Variants in SVEP1 observed in about 807,000 individuals in gnomAD.
SVEP1 encodes sushi, von Willebrand factor type A, EGF and pentraxin domain-containing protein 1.
A neutral mutation model predicts 367.3 loss-of-function variants in SVEP1; 164 were observed. The ratio of observed to expected loss-of-function variants is 0.45; its 90% CI spans 0.39 to 0.51. The LOEUF (loss-of-function observed/expected upper bound fraction) is 0.51. Ranked by LOEUF, SVEP1 falls within the 20% of genes least tolerant of loss-of-function variation. The probability of loss-of-function intolerance (pLI) is 0.00; values close to 1 mark genes in which losing one functional copy is unlikely to be tolerated. For missense variants in SVEP1, 4,117 were observed against 4,425.3 expected (o/e 0.93, Z 1.98); for synonymous variants, 1,666 against 1,611.6 (o/e 1.03, Z -0.81).
At chr9:110,398,919 C>T (rs1202810662) in intron 40 of SVEP1, among the ~76,000 whole-genome samples, 2 of 152,274 alleles carry the variant, frequency 1.3e-5, no homozygotes, top group African/African-American at 2.4e-5. Context: ...AGTTCAACCA[C>T]TGTGGAAGTC....
rs1168489728 is a variant in SVEP1, at chr9:110,481,416, A to G, written c.2191T>C (p.Phe731Leu). The change falls in exon 12 of 48, where the codon TTC (phenylalanine) becomes CTC (leucine). Residue 731 changes from phenylalanine to leucine, a missense_variant. Phe to Leu is a conservative substitution (Grantham distance 22). Coordinates refer to ENST00000374469, the MANE Select transcript of SVEP1 (RefSeq NM_153366.4). ...VIKGSPCEIP[F>L]TPVNGDFICT... is the part of the protein sequence containing the mutation. The stretch of plus-strand genomic sequence containing the variant: ...ATAAAATCCCCATTTACAGGTGTGA[A>G]TGGAATTTCACAGGGAGAACCTGTG... 1 of 1,591,730 alleles carries G rather than the reference A, an allele frequency of 6.3e-7. No homozygotes were observed. The highest frequency in any genetic ancestry group is 1.2e-5 in the South Asian group (1 of 86,798).
chr9:110,370,771 C>T (rs181525133), intron 46 of SVEP1, among the ~76,000 whole-genome samples: 9 of 152,186 alleles, frequency 5.9e-5, no homozygotes, highest in Admixed American at 5.2e-4. Context: ...GAATTTTTAG[C>T]AAGTGTAACA....
intron 30 of SVEP1, 94 bp downstream of exon 30, chr9:110,434,242 G>T (rs986919123): frequency 7.5e-7 from 1 of 1,328,728 alleles, no homozygotes; most frequent in Admixed American, 2.4e-5. Flanking sequence ...TTGCTACTGT[G>T]AAGTATTCAC....
Position 110,551,242 on chromosome 9 carries a change from AAGATCCAGATTCTCTCAGACTATG to A in SVEP1, c.532-1162_532-1139del, listed in dbSNP as rs1458512902. 7.9e-5 allele frequency among the ~76,000 whole-genome samples: 12 copies of A among 152,268 alleles called. No individual in the cohort carries two copies. The South Asian group carries it at 1.0e-3, about 13-fold the overall frequency. ...TCACTTTAGGGTGCAGACTCACTAT[AAGATCCAGATTCTCTCAGACTATG>A]AGATCCAGATTCTCTCAGACTATGA... On this transcript the variant is annotated intron_variant, in intron 1 of 47. Coordinates refer to ENST00000374469, the MANE Select transcript of SVEP1 (RefSeq NM_153366.4).
At chr9:110,385,744 A>G (rs1173237310) in intron 43 of SVEP1, among the ~76,000 whole-genome samples, 154 bp downstream of exon 43, 2 of 152,240 alleles carry the variant, frequency 1.3e-5, no homozygotes, top group Non-Finnish European at 1.5e-5. Context: ...CAAAGATTAA[A>G]AGAAATTTAC....
In SVEP1 at chr9:110,445,822, G is replaced by A. The variant is rs557740961; in HGVS notation, c.4463+15C>T. ...ATAAGATCTTAAGCATAGCCTTCCC[G>A]ACACTTCTGCTTACCCGTTATAATC... On this transcript the variant is annotated intron_variant, in intron 26 of 47. Coordinates refer to ENST00000374469, the MANE Select transcript of SVEP1 (RefSeq NM_153366.4). 111 of 1,613,166 alleles carry A rather than the reference G, an allele frequency of 6.9e-5. 1 individual carries two copies. The South Asian group carries it at 1.0e-3, about 15-fold the overall frequency.
Position 110,443,636 on chromosome 9 carries a change from A to C in SVEP1, c.4548T>G (p.Thr1516=). ...TCCAGATGCCATTGGCACTTGTCCA[A>C]GTGATTGCAATATGATGCCATCTGC... ...NDGRWHHIAI[T]WTSANGIWKV... The change falls in exon 27 of 48, where the codon ACT becomes ACG. Residue 1516 remains threonine, a synonymous_variant. Coordinates refer to ENST00000374469, the MANE Select transcript of SVEP1 (RefSeq NM_153366.4). The C allele has an allele frequency of 6.2e-7, 1 of 1,613,570 alleles. No homozygotes were observed. Among genetic ancestry groups the C allele is most frequent in the Non-Finnish European group, 8.5e-7 (1 of 1,179,770 alleles).
At position 110,472,166 on chromosome 9, in the gene SVEP1, G is replaced by T. The variant is rs777608697; in HGVS notation, c.2757C>A (p.Asn919Lys). ...TAGACAGTTTATCCTTACCTGTGAT[G>T]TTAAAAATTAACTTAATTTTATAGT... is the stretch of plus-strand genomic sequence containing the variant. Reference protein sequence around the residue: ...LSDYKIKLIFNITASVPLPDE... With the variant: ...LSDYKIKLIFKITASVPLPDE... Residue 919 changes from asparagine (N) to lysine (K), a missense_variant, in exon 15 of 48, where the codon AAC becomes AAA. Coordinates refer to ENST00000374469, the MANE Select transcript of SVEP1 (RefSeq NM_153366.4). 6.2e-7 allele frequency: 1 copy of T among 1,610,790 alleles called. No individual in the cohort carries two copies. The highest frequency in any genetic ancestry group is 1.1e-5 in the South Asian group (1 of 90,140).
intron 5 of SVEP1, among the ~76,000 whole-genome samples, chr9:110,504,050 ATTTTG>A (rs1421853784): frequency 1.7e-4 from 5 of 29,378 alleles, no homozygotes; most frequent in Admixed American, 3.5e-4. Context: ...ATTTTATTTT[ATTTTG>A]TTTTGTTTTT....
chr9:110,472,697 C>T (rs966859991), intron 14 of SVEP1, among the ~76,000 whole-genome samples: 5 of 152,064 alleles, frequency 3.3e-5, no homozygotes, highest in Non-Finnish European at 7.4e-5. Flanking sequence ...TTTCTCCAAT[C>T]CTTTTTTCTT....
intron 40 of SVEP1, among the ~76,000 whole-genome samples, chr9:110,393,137 G>C (rs1015814165): frequency 6.6e-6 from 1 of 152,012 alleles, no homozygotes; most frequent in Non-Finnish European, 1.5e-5. Context: ...TTTAATGACA[G>C]TTTGCTCTAC....
rs1411607201 is a variant in SVEP1 at position 110,546,222 on chromosome 9, T to G, written c.857A>C (p.Asp286Ala). ...HCSYLCDEGK[D>A]CCDRMGSCKC... Reference sequence around the variant, plus strand: ...GCAGCTTCCCATTCGGTCACAGCAGTCCTTGCCTTCATCACAAAGATATGA... The same window carrying G: ...GCAGCTTCCCATTCGGTCACAGCAGGCCTTGCCTTCATCACAAAGATATGA... The change falls in exon 3 of 48, where the codon GAC (aspartate) becomes GCC (alanine). Residue 286 changes from aspartate to alanine, a missense_variant. Coordinates refer to ENST00000374469, the MANE Select transcript of SVEP1 (RefSeq NM_153366.4). 1.3e-6 allele frequency: 2 copies of G among 1,586,480 alleles called. No individual in the cohort carries two copies. The highest frequency in any genetic ancestry group is 2.7e-5 in the African/African-American group (2 of 74,460).
At chr9:110,367,131 A>C (rs1827212989) in intron 47 of SVEP1, among the ~76,000 whole-genome samples, 1 of 152,208 alleles carries the variant, frequency 6.6e-6, no homozygotes, top group African/African-American at 2.4e-5. Flanking sequence ...TTTATTGAGC[A>C]GCGACTTTTG....
chr9:110,535,232 T>A (rs1830064674), intron 3 of SVEP1, among the ~76,000 whole-genome samples: 2 of 152,186 alleles, frequency 1.3e-5, no homozygotes, highest in Admixed American at 1.3e-4. Flanking sequence ...ATCTTCTGCA[T>A]ATGGCTAGCC....
At chr9:110,532,902 C>A (rs1415182483) in intron 3 of SVEP1, among the ~76,000 whole-genome samples, 1 of 152,118 alleles carries the variant, frequency 6.6e-6, no homozygotes, top group Non-Finnish European at 1.5e-5. Flanking sequence ...CAATCCCCAA[C>A]ATTTTTGGTA....
chr9:110,469,076 A>G lies in SVEP1; in HGVS notation c.3024T>C (p.Tyr1008=), dbSNP rs770089326. The G allele has an allele frequency of 1.3e-5, 21 of 1,613,160 alleles. No homozygotes were observed. In the South Asian group the frequency reaches 2.1e-4, roughly 16 times the overall value. Reference sequence around the variant, plus strand: ...TTTCACAGGTGAAATGTTCCAGATTATAATAGGTTCCCAAAGGGCAATTGA... The same window carrying G: ...TTTCACAGGTGAAATGTTCCAGATTGTAATAGGTTCCCAAAGGGCAATTGA... ...MCVNCPLGTY[Y]NLEHFTCESC... Residue 1008 remains tyrosine (Y), a synonymous_variant, in exon 17 of 48, where the codon TAT becomes TAC. Transcript: ENST00000374469.
chr9:110,458,442 A>C, intron 20 of SVEP1, 29 bp downstream of exon 20: 2 of 1,589,676 alleles, frequency 1.3e-6, no homozygotes, highest in Non-Finnish European at 1.7e-6. Flanking sequence ...GCATTCCACT[A>C]GAGAACAGTT....
At chr9:110,531,555 C>T (rs553750422) in intron 3 of SVEP1, among the ~76,000 whole-genome samples, 31 of 152,276 alleles carry the variant, frequency 2.0e-4, no homozygotes, top group Admixed American at 1.1e-3. Context: ...ATGTTTACTT[C>T]CCCTTCTGCC....
intron 24 of SVEP1, among the ~76,000 whole-genome samples, chr9:110,448,178 T>C (rs1003918650): frequency 2.5e-5 from 2 of 79,254 alleles, no homozygotes; most frequent in Non-Finnish European, 4.7e-5. Context: ...CGCTCGCGCG[T>C]GTGTATGCAT....
Sources: allele counts gnomAD v4.1 joint callset (sites outside exome capture counted in the v4.1 genomes callset), GRCh38; gene constraint gnomAD v4.1.1; transcripts MANE v1.5; gene names NCBI Gene and HGNC (gene_info 2026-07-23, HGNC 2026-07-21).